ARHGAP31: variants seen among roughly 807,000 people sequenced by gnomAD.
ARHGAP31 encodes the protein rho GTPase-activating protein 31.
In ARHGAP31, 34 loss-of-function variants were observed where a neutral mutation model predicts 113.9. The ratio of observed to expected loss-of-function variants is 0.30; its 90% confidence interval spans 0.23 to 0.40. The LOEUF (loss-of-function observed/expected upper bound fraction) is 0.40, where lower values mean the gene tolerates loss of function less well. Among genes scored for constraint, ARHGAP31 ranks in the 10% least tolerant of loss-of-function variants. The pLI, the probability that ARHGAP31 is intolerant of heterozygous loss-of-function variation, is 1.00. For synonymous variants in ARHGAP31, 650 were observed against 684.8 expected, an observed-to-expected ratio of 0.95 and a Z score of 0.79; for missense variants, 1,548 against 1,767.1, an observed-to-expected ratio of 0.88 and a Z score of 2.22.
rs541414952 is a variant in ARHGAP31 at position 119,299,507 on chromosome 3, GC to G, written c.100+4504del. Among the ~76,000 whole-genome samples the G allele has an allele frequency of 1.3e-3, 196 of 152,282 alleles. 1 individual carries two copies. The highest frequency in any genetic ancestry group is 4.3e-3 in the African/African-American group (178 of 41,552). On this transcript the variant is annotated intron_variant, in intron 1 of 11. Transcript: ENST00000264245. ...GTGCCCATTACAAATATGACTTTAA[GC>G]TTGATGAGAGTAAGCCCTGGTATTT...
chr3:119,359,973 C>A (rs1385845386), intron 1 of ARHGAP31, among the ~76,000 whole-genome samples: 1 of 152,092 alleles, frequency 6.6e-6, no homozygotes, highest in Admixed American at 6.6e-5. Context: ...TATCATTATT[C>A]TTTGCCCACC....
chr3:119,368,498 G>A lies in ARHGAP31; in HGVS notation c.330G>A (p.Glu110=), dbSNP rs757472408. The change falls in exon 3 of 12, where the codon GAG becomes GAA. Residue 110 remains glutamate, a synonymous_variant. Coordinates refer to ENST00000264245, the MANE Select transcript of ARHGAP31 (RefSeq NM_020754.4). The stretch of plus-strand genomic sequence containing the variant: ...TGCCCAACCCCCTCCTGACTTATGA[G>A]CTCTATGAGAAATTCACGGTGAGTG... ...RELPNPLLTY[E]LYEKFTEAVS... 2.5e-6 allele frequency: 4 copies of A among 1,614,122 alleles called. No homozygotes were observed. Among genetic ancestry groups the A allele is most frequent in the Non-Finnish European group, 3.4e-6 (4 of 1,180,012 alleles).
intron 1 of ARHGAP31, among the ~76,000 whole-genome samples, chr3:119,334,111 G>A (rs924131877): frequency 3.9e-5 from 6 of 152,120 alleles, no homozygotes; most frequent in African/African-American, 1.2e-4. Flanking sequence ...TGATGCCCAG[G>A]GACCCCCTTC....
intron 1 of ARHGAP31, among the ~76,000 whole-genome samples, chr3:119,333,744 G>A (rs9843001): frequency 0.27 from 41,322 of 152,062 alleles, 7,001 homozygotes; most frequent in African/African-American, 0.49. Context: ...ACCTAGTTCC[G>A]ACTCTCACCG....
intron 1 of ARHGAP31, among the ~76,000 whole-genome samples, chr3:119,303,741 T>C (rs1195775030): frequency 6.6e-6 from 1 of 152,128 alleles, no homozygotes; most frequent in Non-Finnish European, 1.5e-5. Flanking sequence ...ATTGAGCTAA[T>C]TTGTGTGATT....
At chr3:119,355,499 T>C (rs902888203) in intron 1 of ARHGAP31, among the ~76,000 whole-genome samples, 2 of 151,756 alleles carry the variant, frequency 1.3e-5, no homozygotes, top group Non-Finnish European at 2.9e-5. Flanking sequence ...TCTTTTTTTT[T>C]ATTATACTTT....
intron 1 of ARHGAP31, among the ~76,000 whole-genome samples, chr3:119,362,174 G>C (rs1225171123): frequency 6.6e-6 from 1 of 152,192 alleles, no homozygotes; most frequent in African/African-American, 2.4e-5. Context: ...TCTTTATCAA[G>C]GTCCTTAGAG....
intron 1 of ARHGAP31, among the ~76,000 whole-genome samples, chr3:119,306,268 A>C (rs2107595242): frequency 6.6e-6 from 1 of 152,260 alleles, no homozygotes; most frequent in Non-Finnish European, 1.5e-5. Context: ...AAAGTTTTCA[A>C]ATGGGGCCGG....
intron 9 of ARHGAP31, 99 bp from the exon 10 acceptor site, chr3:119,401,723 C>T (rs2080609079): frequency 2.7e-6 from 3 of 1,109,632 alleles, no homozygotes; most frequent in South Asian, 1.3e-5. Flanking sequence ...AATGCTGTGC[C>T]TCTCTAGTAT....
intron 2 of ARHGAP31, 122 bp from the exon 3 acceptor site, chr3:119,368,250 A>G: frequency 2.3e-6 from 3 of 1,284,778 alleles, no homozygotes; most frequent in East Asian, 4.7e-5. Flanking sequence ...TTTTTGAATT[A>G]AGGTCAAAAA....
intron 1 of ARHGAP31, among the ~76,000 whole-genome samples, chr3:119,355,523 C>T (rs2080147584): frequency 6.7e-6 from 1 of 149,454 alleles, no homozygotes; most frequent in South Asian, 2.1e-4. Context: ...TTTTAGGGTA[C>T]ATGTGCACAA....
At chr3:119,295,389 G>A (rs957237849) in intron 1 of ARHGAP31, among the ~76,000 whole-genome samples, 10 of 150,852 alleles carry the variant, frequency 6.6e-5, no homozygotes, top group Non-Finnish European at 1.5e-4. Flanking sequence ...GGTCTTGCCT[G>A]GGTACAAAAT....
intron 1 of ARHGAP31, among the ~76,000 whole-genome samples, chr3:119,304,339 C>A (rs866030205): frequency 9.9e-5 from 15 of 152,206 alleles, no homozygotes; most frequent in South Asian, 2.1e-4. Context: ...GAGAAAGAAC[C>A]ATCAGACAGA....
At chr3:119,397,686 C>T (rs1014500413) in intron 8 of ARHGAP31, among the ~76,000 whole-genome samples, 1 of 152,204 alleles carries the variant, frequency 6.6e-6, no homozygotes, top group African/African-American at 2.4e-5. Flanking sequence ...TAATTCAGAA[C>T]CTCCCAGAAG....
intron 3 of ARHGAP31, among the ~76,000 whole-genome samples, chr3:119,372,280 CTT>C (rs758369404): frequency 0.13 from 16,824 of 128,500 alleles, 946 homozygotes; most frequent in African/African-American, 0.25. Context: ...TTATTTCTGA[CTT>C]TTTTTTTTTT....
At chr3:119,381,750 G>C (rs2080399318) in intron 4 of ARHGAP31, among the ~76,000 whole-genome samples, 1 of 152,140 alleles carries the variant, frequency 6.6e-6, no homozygotes, top group Non-Finnish European at 1.5e-5. Flanking sequence ...CACTTTGGGA[G>C]GCCCAGGCGG....
At chr3:119,413,257 C>A (rs1473581267) in intron 11 of ARHGAP31, among the ~76,000 whole-genome samples, 1 of 144,096 alleles carries the variant, frequency 6.9e-6, no homozygotes, top group Non-Finnish European at 1.5e-5. Flanking sequence ...ACAGGGGTTG[C>A]AGTGAGCTGA....
At chr3:119,311,638 T>C (rs186220087) in intron 1 of ARHGAP31, among the ~76,000 whole-genome samples, 181 of 152,280 alleles carry the variant, frequency 1.2e-3, no homozygotes, top group African/African-American at 3.5e-3. Flanking sequence ...CTTAAGAGAA[T>C]AGAGTGGCGA....
At chr3:119,324,678 A>C (rs2079826081) in intron 1 of ARHGAP31, among the ~76,000 whole-genome samples, 1 of 152,262 alleles carries the variant, frequency 6.6e-6, no homozygotes, top group Non-Finnish European at 1.5e-5. Context: ...TCAGATCCTC[A>C]AAGAATGTTT....
Sources: allele counts gnomAD v4.1 joint callset (sites outside exome capture counted in the v4.1 genomes callset), GRCh38; gene constraint gnomAD v4.1.1; transcripts MANE v1.5; gene names NCBI Gene and HGNC (gene_info 2026-07-23, HGNC 2026-07-21).